TNRC6B: variants seen among roughly 807,000 people sequenced by gnomAD.
TNRC6B encodes trinucleotide repeat containing adaptor 6B.
In TNRC6B, 52 loss-of-function variants were observed where a neutral mutation model predicts 203.6. The observed-to-expected ratio is 0.26, with a 90% CI of 0.20 to 0.32. The LOEUF is 0.32. Among genes scored for constraint, TNRC6B ranks in the 10% least tolerant of loss-of-function variants. The probability of loss-of-function intolerance (pLI) is 1.00; values close to 1 mark genes in which losing one functional copy is unlikely to be tolerated. For missense variants in TNRC6B, 1,923 were observed against 2,286.2 expected, an observed-to-expected ratio of 0.84 and a Z score of 3.24; for synonymous variants, 838 against 845.7, an observed-to-expected ratio of 0.99 and a Z score of 0.16.
At chr22:40,301,757 C>A (rs1010114905) in intron 15 of TNRC6B, among the ~76,000 whole-genome samples, 7 of 152,120 alleles carry the variant, frequency 4.6e-5, no homozygotes, top group Non-Finnish European at 1.0e-4. Context: ...TGGATTGTTT[C>A]CACCTTTTAA....
chr22:40,111,174 C>G (rs1208842425), intron 1 of TNRC6B, among the ~76,000 whole-genome samples: 1 of 152,224 alleles, frequency 6.6e-6, no homozygotes, highest in Non-Finnish European at 1.5e-5. Flanking sequence ...TTTGTCCTGT[C>G]CGTGGGAAGG....
chr22:40,062,913 A>G (rs2067866088), intron 1 of TNRC6B, among the ~76,000 whole-genome samples: 1 of 151,984 alleles, frequency 6.6e-6, no homozygotes, highest in Admixed American at 6.6e-5. Context: ...TTGATGCACT[A>G]AACTTTTAAT....
intron 3 of TNRC6B, among the ~76,000 whole-genome samples, chr22:40,135,962 C>A (rs1359384030): frequency 2.6e-5 from 4 of 152,208 alleles, no homozygotes; most frequent in Admixed American, 6.5e-5. Context: ...AATAGGCCTA[C>A]TTCAGCCTGT....
intron 1 of TNRC6B, among the ~76,000 whole-genome samples, chr22:40,235,393 A>G (rs1482180861): frequency 6.6e-6 from 1 of 152,110 alleles, no homozygotes; most frequent in Non-Finnish European, 1.5e-5. Context: ...TTTCCTGCAC[A>G]TTCAGGAAAT....
At chr22:40,296,847 C>G (rs1367307443) in intron 12 of TNRC6B, among the ~76,000 whole-genome samples, 1 of 152,114 alleles carries the variant, frequency 6.6e-6, no homozygotes, top group Non-Finnish European at 1.5e-5. Context: ...AAGCTGGTCT[C>G]AAACTCCTGG....
At chr22:40,125,524 T>C (rs2068483488) in intron 2 of TNRC6B, among the ~76,000 whole-genome samples, 1 of 152,126 alleles carries the variant, frequency 6.6e-6, no homozygotes, top group Non-Finnish European at 1.5e-5. Context: ...GCTATTAATA[T>C]CCCAATGCTG....
chr22:40,240,591 C>T (rs891902277), intron 1 of TNRC6B, among the ~76,000 whole-genome samples: 13 of 152,188 alleles, frequency 8.5e-5, no homozygotes, highest in African/African-American at 2.4e-4. Flanking sequence ...TGGAGGTGCC[C>T]ATAGTATTGC....
At chr22:40,159,698 C>G (rs1157852221) in intron 4 of TNRC6B, among the ~76,000 whole-genome samples, 1 of 151,990 alleles carries the variant, frequency 6.6e-6, no homozygotes, top group African/African-American at 2.4e-5. Context: ...CCCTTCCCTT[C>G]CTAATCTTCC....
At chr22:40,155,045 A>G (rs548576774) in intron 3 of TNRC6B, among the ~76,000 whole-genome samples, 3 of 150,914 alleles carry the variant, frequency 2.0e-5, no homozygotes, top group South Asian at 4.2e-4. Flanking sequence ...TGAGGTGTGT[A>G]GCTGTAGTTC....
chr22:40,140,734 A>T (rs1317646317), intron 3 of TNRC6B, among the ~76,000 whole-genome samples: 1 of 151,922 alleles, frequency 6.6e-6, no homozygotes, highest in Admixed American at 6.6e-5. Context: ...TCTGTCTCCC[A>T]GGTTCAAGCA....
At chr22:40,279,098 C>G (rs993998152) in intron 9 of TNRC6B, among the ~76,000 whole-genome samples, 2 of 152,160 alleles carry the variant, frequency 1.3e-5, no homozygotes, top group Admixed American at 6.5e-5. Flanking sequence ...TGGGGCCAAA[C>G]AAATTGTGTG....
rs1419066683 is a variant in TNRC6B at position 40,324,294 on chromosome 22, T to G, written c.*1053T>G. 1 of 152,344 alleles carries G rather than the reference T, an allele frequency of 6.6e-6. No individual in the cohort carries two copies. Among genetic ancestry groups the G allele is most frequent in the South Asian group, 2.1e-4 (1 of 4,822 alleles). The allele number at this position is 152,344 out of a possible 1,614,324, so 9.4% of individuals were successfully genotyped here. On this transcript the variant is annotated 3_prime_UTR_variant, in exon 23 of 23. Coordinates refer to ENST00000454349, the MANE Select transcript of TNRC6B (RefSeq NM_001162501.2). ...AGCAACGGTGTGTTTATTTCTGTTT[T>G]TTTTTTTTTTTAAGTGAATGGCCAC...
chr22:40,136,440 G>A (rs8136269), intron 3 of TNRC6B, among the ~76,000 whole-genome samples: 8 of 149,212 alleles, frequency 5.4e-5, no homozygotes, highest in East Asian at 2.0e-4. Context: ...GCTCTGTCGC[G>A]TAGGCTGGAG....
intron 3 of TNRC6B, among the ~76,000 whole-genome samples, chr22:40,150,934 T>C (rs1009640998): frequency 6.6e-6 from 1 of 152,034 alleles, no homozygotes; most frequent in Admixed American, 6.6e-5. Context: ...AACTCTCCCT[T>C]ACCCCTCCCC....
rs929948590 is a variant in TNRC6B at position 40,257,404 on chromosome 22, C to T, written c.116-4428C>T. Among the ~76,000 whole-genome samples the T allele has an allele frequency of 1.1e-4, 16 of 152,206 alleles. No homozygotes were observed. The Middle Eastern group carries it at 0.01, about 97-fold the overall frequency. ...GGGAGGAGATTCAATTATTAGAGCA[C>T]GTAAATGGTTCTTAAAAGAAAATGA... On this transcript the variant is annotated intron_variant, in intron 3 of 22. Transcript: ENST00000454349.
At chr22:40,152,413 G>A (rs1168433104) in intron 3 of TNRC6B, among the ~76,000 whole-genome samples, 1 of 152,138 alleles carries the variant, frequency 6.6e-6, no homozygotes, top group African/African-American at 2.4e-5. Context: ...TGCAAGCTCC[G>A]CCTCCCGGGT....
chr22:40,088,584 TTG>T (rs58537972), intron 1 of TNRC6B, among the ~76,000 whole-genome samples: 5,896 of 125,136 alleles, frequency 0.047, 137 homozygotes, highest in Non-Finnish European at 0.055. Context: ...GCGGCTACTT[TTG>T]TGTGTGTGTG....
intron 1 of TNRC6B, among the ~76,000 whole-genome samples, chr22:40,080,244 A>ATT (rs879720878): frequency 7.0e-6 from 1 of 142,362 alleles, no homozygotes; most frequent in African/African-American, 2.6e-5. Context: ...TGCCCAGCCA[A>ATT]TTTTTTTTTT....
In TNRC6B at chr22:40,265,667, T is replaced by C; in HGVS notation, c.1437T>C (p.Ser479=). The C allele has an allele frequency of 6.2e-7, 1 of 1,613,952 alleles. No homozygotes were observed. Among genetic ancestry groups the C allele is most frequent in the Non-Finnish European group, 8.5e-7 (1 of 1,179,856 alleles). The change falls in exon 5 of 23, where the codon TCT becomes TCC. Residue 479 remains serine, a synonymous_variant. Coordinates refer to ENST00000454349, the MANE Select transcript of TNRC6B (RefSeq NM_001162501.2). ...ACTCTTGGGACAACAATAACAGGTC[T>C]ACGGGTGGGTCCTGGAACTTTGGCC... ...KNDSWDNNNR[S]TGGSWNFGPQ...
Sources: gnomAD v4.1 joint callset for allele counts (sites outside exome capture counted in the v4.1 genomes callset) on GRCh38, gnomAD v4.1.1 for gene constraint, MANE v1.5 for transcripts, NCBI Gene and HGNC (gene_info 2026-07-23, HGNC 2026-07-21) for gene names.